Variants in RIPOR2 observed in about 807,000 individuals in gnomAD.
The protein encoded by RIPOR2 is RHO family interacting cell polarization regulator 2.
A neutral mutation model predicts 114.5 loss-of-function variants in RIPOR2; 39 were observed. That is an observed-to-expected ratio of 0.34 (90% CI 0.26 to 0.44). The LOEUF is 0.44. Ranked by LOEUF, RIPOR2 falls within the 20% of genes least tolerant of loss-of-function variation. RIPOR2 has a pLI of 1.00. For synonymous variants in RIPOR2, 445 were observed against 484.4 expected, an observed-to-expected ratio of 0.92 and a Z score of 1.07; for missense variants, 1,007 against 1,255.1, an observed-to-expected ratio of 0.80 and a Z score of 2.99.
intron 1 of RIPOR2, among the ~76,000 whole-genome samples, chr6:24,947,013 CAGAA>C (rs1211748510): frequency 6.6e-6 from 1 of 151,570 alleles, no homozygotes; most frequent in African/African-American, 2.4e-5. Context: ...GACTATGTGA[CAGAA>C]AGAAAGAAGA....
At chr6:25,019,910 A>G (rs1776237678) in intron 1 of RIPOR2, among the ~76,000 whole-genome samples, 1 of 151,684 alleles carries the variant, frequency 6.6e-6, no homozygotes. Flanking sequence ...TATCATGGGG[A>G]TTTTTTATAT....
At chr6:24,959,616 C>T (rs396599) in intron 1 of RIPOR2, among the ~76,000 whole-genome samples, 121,040 of 152,182 alleles carry the variant, frequency 0.8, 51,686 homozygotes, top group East Asian at 0.96. Flanking sequence ...GAGGAACACA[C>T]ATTAGATAAA....
At chr6:24,970,088 C>A (rs1773711016) in intron 1 of RIPOR2, among the ~76,000 whole-genome samples, 2 of 151,690 alleles carry the variant, frequency 1.3e-5, no homozygotes, top group Non-Finnish European at 2.9e-5. Flanking sequence ...GGATGGGAAG[C>A]CTGGGAAAGG....
At chr6:24,934,907 T>C (rs1406426747) in intron 1 of RIPOR2, among the ~76,000 whole-genome samples, 1 of 152,038 alleles carries the variant, frequency 6.6e-6, no homozygotes, top group African/African-American at 2.4e-5. Flanking sequence ...GCAGTGCCAA[T>C]GGGGATTGGA....
intron 1 of RIPOR2, among the ~76,000 whole-genome samples, chr6:25,016,771 C>T (rs2113697036): frequency 6.6e-6 from 1 of 152,340 alleles, no homozygotes; most frequent in South Asian, 2.1e-4. Context: ...CTTGTTACTT[C>T]TGCTTTTCTA....
chr6:24,860,865 G>T, intron 8 of RIPOR2, 108 bp downstream of exon 8: 1 of 689,866 alleles, frequency 1.4e-6, no homozygotes, highest in Non-Finnish European at 2.5e-6. Flanking sequence ...AGTGGGTGGC[G>T]CTGCGTCTTT....
At chr6:25,022,353 A>C (rs960633949) in intron 1 of RIPOR2, among the ~76,000 whole-genome samples, 1 of 152,004 alleles carries the variant, frequency 6.6e-6, no homozygotes, top group African/African-American at 2.4e-5. Flanking sequence ...GGCTTCTTTC[A>C]CTTAGGATAA....
chr6:24,994,565 T>G (rs1405625409), intron 1 of RIPOR2, among the ~76,000 whole-genome samples: 3 of 152,140 alleles, frequency 2.0e-5, no homozygotes, highest in Non-Finnish European at 4.4e-5. Flanking sequence ...CTACCTTTAT[T>G]CTCACCTGTA....
chr6:24,951,630 G>A (rs947683702), intron 1 of RIPOR2, among the ~76,000 whole-genome samples: 5 of 152,058 alleles, frequency 3.3e-5, no homozygotes, highest in South Asian at 2.1e-4. Context: ...GTTTACATGC[G>A]CTAAAAGAAA....
intron 19 of RIPOR2, 87 bp downstream of exon 19, chr6:24,825,139 A>C: frequency 3.1e-6 from 3 of 980,994 alleles, no homozygotes; most frequent in Non-Finnish European, 4.5e-6. Context: ...AATTATTTTT[A>C]TAAAGGAATA....
intron 1 of RIPOR2, among the ~76,000 whole-genome samples, chr6:25,007,039 C>G (rs1338639398): frequency 6.6e-6 from 1 of 152,194 alleles, no homozygotes; most frequent in Non-Finnish European, 1.5e-5. Flanking sequence ...TTCTCCATAA[C>G]CAAGGGCCTG....
intron 9 of RIPOR2, among the ~76,000 whole-genome samples, chr6:24,852,133 A>G (rs1367315331): frequency 1.3e-5 from 2 of 152,092 alleles, no homozygotes; most frequent in African/African-American, 4.8e-5. Flanking sequence ...GTGGTGGTGC[A>G]CACCTGTAGT....
chr6:24,932,905 C>T (rs866370968), intron 1 of RIPOR2, among the ~76,000 whole-genome samples: 1 of 152,152 alleles, frequency 6.6e-6, no homozygotes, highest in African/African-American at 2.4e-5. Flanking sequence ...TGAACTTTTA[C>T]AGGTAGATAC....
chr6:25,012,178 T>C (rs1195739627), intron 1 of RIPOR2, among the ~76,000 whole-genome samples: 2 of 152,086 alleles, frequency 1.3e-5, no homozygotes, highest in African/African-American at 2.4e-5. Context: ...AAAACCATAA[T>C]GAGATCCTGG....
At chr6:25,006,917 C>T (rs2113666736) in intron 1 of RIPOR2, among the ~76,000 whole-genome samples, 1 of 152,362 alleles carries the variant, frequency 6.6e-6, no homozygotes, top group Admixed American at 6.5e-5. Context: ...AGCTGGAACT[C>T]AAATGCTGTG....
At chr6:24,991,777 GA>G (rs1390786818) in intron 1 of RIPOR2, among the ~76,000 whole-genome samples, 1 of 151,716 alleles carries the variant, frequency 6.6e-6, no homozygotes, top group African/African-American at 2.4e-5. Context: ...ACCCTCAAAG[GA>G]AAAAAAAGAA....
intron 8 of RIPOR2, among the ~76,000 whole-genome samples, chr6:24,853,525 T>G (rs1343819595): frequency 6.6e-6 from 1 of 152,190 alleles, no homozygotes; most frequent in African/African-American, 2.4e-5. Flanking sequence ...AAAATACAGT[T>G]AAAGCCCACA....
Position 24,932,025 on chromosome 6 carries a change from T to G in RIPOR2, c.61+3813A>C, listed in dbSNP as rs907017277. On this transcript the variant is annotated intron_variant, in intron 1 of 21. Coordinates refer to ENST00000643898, the MANE Select transcript of RIPOR2 (RefSeq NM_001286445.3). ...ATTGTCATCATCATTGTCATCATCA[T>G]CATCAGCAGCAGCAGCATTGTTGTA... is the stretch of plus-strand genomic sequence containing the variant. 9.8e-5 allele frequency: 15 copies of G among 153,100 alleles called. 1 individual carries two copies. The highest frequency in any genetic ancestry group is 1.3e-4 in the Non-Finnish European group (9 of 68,782). 9.5% of individuals were successfully genotyped at this position (153,100 alleles called of 1,614,324 possible).
chr6:24,915,738 G>T (rs1278623107), intron 1 of RIPOR2, among the ~76,000 whole-genome samples: 1 of 152,200 alleles, frequency 6.6e-6, no homozygotes, highest in Middle Eastern at 3.2e-3. Context: ...TTAACATGCA[G>T]ATTTTTAGGT....
Sources: allele counts gnomAD v4.1 joint callset (sites outside exome capture counted in the v4.1 genomes callset), GRCh38; gene constraint gnomAD v4.1.1; transcripts MANE v1.5; gene names NCBI Gene and HGNC (gene_info 2026-07-23, HGNC 2026-07-21).